SLC2A13: variants seen among roughly 807,000 people sequenced by gnomAD.
The protein encoded by SLC2A13 is solute carrier family 2 member 13.
Under a neutral mutation model 64.4 loss-of-function variants are expected in SLC2A13, and 32 were observed. The ratio of observed to expected loss-of-function variants is 0.50; its 90% CI spans 0.37 to 0.67. The LOEUF is 0.67. Among genes scored for constraint, SLC2A13 ranks in the 30% least tolerant of loss-of-function variants. SLC2A13 has a pLI of 0.00. For synonymous variants in SLC2A13, 338 were observed against 327.1 expected, an observed-to-expected ratio of 1.03 and a Z score of -0.36; for missense variants, 743 against 829.2, an observed-to-expected ratio of 0.90 and a Z score of 1.28.
chr12:39,896,284 ATGTATATGTGTGTATATATG>A (rs1565527786), intron 4 of SLC2A13, among the ~76,000 whole-genome samples: 19 of 129,194 alleles, frequency 1.5e-4, no homozygotes, highest in African/African-American at 4.8e-4. Context: ...GTATACATGT[ATGTATATGTGTGTATATATG>A]TATACATATA....
Position 40,105,496 on chromosome 12 carries a change from C to A in SLC2A13, c.313G>T (p.Ala105Ser). Reference protein sequence around the residue: ...FGYDTGVVSGAMLLLKRQLSL... With the variant: ...FGYDTGVVSGSMLLLKRQLSL... ...AGCTGCCGCTTGAGCAGCAGCATGG[C>A]CCCTGACACCACCCCGGTGTCATAG... The change falls in exon 1 of 10, where the codon GCC (alanine) becomes TCC (serine). Residue 105 changes from alanine to serine, a missense_variant. This residue lies in a region of SLC2A13 where 448 missense variants were observed against 447.4 expected (regional missense o/e 1.00). Transcript: ENST00000280871. The surrounding 1 kb of genome is among the most constrained non-coding windows in gnomAD (Gnocchi z 4.2). 6.3e-7 allele frequency: 1 copy of A among 1,576,188 alleles called. No homozygotes were observed. The highest frequency in any genetic ancestry group is 8.6e-7 in the Non-Finnish European group (1 of 1,162,516).
rs2135701457 is a variant in SLC2A13, at chr12:39,756,695, G to A, written c.*3331C>T. 1 of 151,708 alleles carries A rather than the reference G, an allele frequency of 6.6e-6. No homozygotes were observed. The highest frequency in any genetic ancestry group is 2.1e-4 in the South Asian group (1 of 4,816). The allele number at this position is 151,708 out of a possible 1,614,324, so 9.4% of individuals were successfully genotyped here. A position where few individuals can be genotyped will look rare whatever the true frequency, so the allele number is the denominator to read the frequency against. ...ATTATTTTGTTGTTAAAAAGCAAAA[G>A]GGTAAGTTGTCAGCTTATATTTTTC... On this transcript the variant is annotated 3_prime_UTR_variant, in exon 10 of 10. Transcript: ENST00000280871.
intron 4 of SLC2A13, among the ~76,000 whole-genome samples, chr12:39,895,975 T>G (rs1023953040): frequency 1.4e-5 from 2 of 144,780 alleles, no homozygotes; most frequent in Non-Finnish European, 3.0e-5. Flanking sequence ...CATGTGTATA[T>G]GTATACATAC....
At chr12:39,830,611 G>T in intron 6 of SLC2A13, 1 of 365,294 alleles carries the variant, frequency 2.7e-6, no homozygotes, top group Non-Finnish European at 3.8e-6. Context: ...TTGCATCAAA[G>T]CATTCATTTC....
intron 1 of SLC2A13, among the ~76,000 whole-genome samples, chr12:40,093,883 A>G (rs146321423): frequency 2.6e-5 from 4 of 152,262 alleles, no homozygotes; most frequent in African/African-American, 9.6e-5. Context: ...GGAGCTAATC[A>G]GGGGCTTTGG....
At chr12:39,843,847 T>TA (rs1399695919) in intron 6 of SLC2A13, among the ~76,000 whole-genome samples, 8 of 152,106 alleles carry the variant, frequency 5.3e-5, no homozygotes, top group African/African-American at 1.7e-4. Flanking sequence ...CTGGCTGCTA[T>TA]ACCAGCTCAA....
At position 40,080,093 on chromosome 12, in the gene SLC2A13, C is replaced by T. The variant is rs184642224; in HGVS notation, c.556+25160G>A. Among the ~76,000 whole-genome samples, 341 of 152,320 alleles carry T rather than the reference C, an allele frequency of 2.2e-3. 1 individual carries two copies. Among genetic ancestry groups the T allele is most frequent in the Middle Eastern group, 0.01 (3 of 294 alleles). ...GCCAGGCTGGTCTTGAACTTCTGACCTCAGGTGATCTGCCCACCTTGGCCT... is the reference window on the plus strand; with the variant it reads ...GCCAGGCTGGTCTTGAACTTCTGACTTCAGGTGATCTGCCCACCTTGGCCT... On this transcript the variant is annotated intron_variant, in intron 1 of 9. Transcript: ENST00000280871.
At chr12:39,896,509 CAT>C (rs1399269215) in intron 4 of SLC2A13, among the ~76,000 whole-genome samples, 3 of 131,226 alleles carry the variant, frequency 2.3e-5, no homozygotes, top group South Asian at 2.4e-4. Context: ...TATGTATGTA[CAT>C]GTGTGTATAC....
At chr12:40,082,665 G>A (rs1938449854) in intron 1 of SLC2A13, among the ~76,000 whole-genome samples, 1 of 152,178 alleles carries the variant, frequency 6.6e-6, no homozygotes, top group Non-Finnish European at 1.5e-5. Context: ...GGGCCTTGAA[G>A]GATGAGCACC....
intron 2 of SLC2A13, among the ~76,000 whole-genome samples, chr12:40,045,450 A>T (rs141394689): frequency 2.8e-3 from 417 of 151,456 alleles, no homozygotes; most frequent in African/African-American, 9.8e-3. Context: ...TCTAAAGTTA[A>T]TGCTAAGGTA....
intron 3 of SLC2A13, among the ~76,000 whole-genome samples, chr12:40,015,988 T>A (rs1348746491): frequency 2.0e-5 from 3 of 152,182 alleles, no homozygotes; most frequent in Non-Finnish European, 4.4e-5. Context: ...ATAATGCTCT[T>A]TTATTAGTTT....
intron 7 of SLC2A13, among the ~76,000 whole-genome samples, chr12:39,796,155 T>C (rs767011455): frequency 6.6e-5 from 10 of 152,224 alleles, no homozygotes; most frequent in Admixed American, 1.3e-4. Flanking sequence ...TAACTGGTAC[T>C]AGACCTAACA....
intron 7 of SLC2A13, among the ~76,000 whole-genome samples, chr12:39,796,976 T>C (rs1045059655): frequency 5.3e-5 from 8 of 152,156 alleles, no homozygotes; most frequent in Non-Finnish European, 8.8e-5. Flanking sequence ...ATTAGAAAAA[T>C]AATTTGTTTT....
intron 1 of SLC2A13, among the ~76,000 whole-genome samples, chr12:40,062,798 G>A (rs1948445032): frequency 6.6e-6 from 1 of 152,114 alleles, no homozygotes; most frequent in Non-Finnish European, 1.5e-5. Flanking sequence ...TCTAAATTTA[G>A]AGGAAAGTGT....
At chr12:40,052,568 G>A (rs1273275180) in intron 1 of SLC2A13, among the ~76,000 whole-genome samples, 1 of 152,048 alleles carries the variant, frequency 6.6e-6, no homozygotes, top group Non-Finnish European at 1.5e-5. Context: ...GAAGTGAGGA[G>A]ATGACAGCGA....
rs570621638 is a variant in SLC2A13 at position 39,972,084 on chromosome 12, T to TTA, written c.926-20721_926-20720dup. On this transcript the variant is annotated intron_variant, in intron 3 of 9. Transcript: ENST00000280871. ...AAAATTATATATATAGAATTTATATTTATATATATATATATAAATTGATTT... is the reference window on the plus strand; with the variant it reads ...AAAATTATATATATAGAATTTATATTTATATATATATATATATAAATTGATTT... 2.5e-3 allele frequency among the ~76,000 whole-genome samples: 337 copies of TTA among 136,308 alleles called. 5 individuals are homozygous for TTA. The highest frequency in any genetic ancestry group is 8.7e-3 in the African/African-American group (321 of 36,706). 89.4% of individuals were successfully genotyped at this position (136,308 alleles called of 152,430 possible).
intron 1 of SLC2A13, among the ~76,000 whole-genome samples, chr12:40,092,024 G>T (rs1247060466): frequency 1.3e-5 from 2 of 152,130 alleles, no homozygotes; most frequent in Non-Finnish European, 2.9e-5. Flanking sequence ...CTGCACGACT[G>T]TGTCTTACAT....
At chr12:39,998,404 AG>A (rs1432349602) in intron 3 of SLC2A13, among the ~76,000 whole-genome samples, 2 of 152,224 alleles carry the variant, frequency 1.3e-5, no homozygotes, top group Non-Finnish European at 2.9e-5. Context: ...GAAGGGGGTG[AG>A]GAATAAAACA....
chr12:40,059,792 A>G (rs1387741955), intron 1 of SLC2A13, among the ~76,000 whole-genome samples: 1 of 152,196 alleles, frequency 6.6e-6, no homozygotes, highest in African/African-American at 2.4e-5. Flanking sequence ...GAGGAAACCC[A>G]GAAAGGCCTG....
Sources: allele counts gnomAD v4.1 joint callset (sites outside exome capture counted in the v4.1 genomes callset), GRCh38; gene constraint gnomAD v4.1.1; regional missense constraint gnomAD v4.1.1; non-coding constraint Gnocchi (gnomAD v3.1); transcripts MANE v1.5; gene names NCBI Gene and HGNC (gene_info 2026-07-23, HGNC 2026-07-21).